The following KDM2A variants were observed in gnomAD, a reference collection of about 807,000 sequenced individuals.
The protein encoded by KDM2A is lysine demethylase 2A.
KDM2A carries 3 observed loss-of-function variants against 137.3 expected under a neutral mutation model. The observed-to-expected ratio is 0.02, with a 90% CI of 0.01 to 0.06. KDM2A has a LOEUF of 0.06. Ranked by LOEUF, KDM2A falls within the 10% of genes least tolerant of loss-of-function variation. The pLI, the probability that KDM2A is intolerant of heterozygous loss-of-function variation, is 1.00. For synonymous variants in KDM2A, 512 were observed against 541.5 expected, an observed-to-expected ratio of 0.95 and a Z score of 0.76; for missense variants, 738 against 1,510.6, an observed-to-expected ratio of 0.49 and a Z score of 8.48.
chr11:67,209,432 TTTA>T (rs371101361), intron 6 of KDM2A, among the ~76,000 whole-genome samples: 6 of 150,008 alleles, frequency 4.0e-5, no homozygotes, highest in Admixed American at 1.3e-4. Context: ...AGAATTTTAT[TTTA>T]TTATTATTAT....
At position 67,130,269 on chromosome 11, in the gene KDM2A, T is replaced by C. The variant is rs190627546; in HGVS notation, c.42+8911T>C. 5.3e-5 allele frequency among the ~76,000 whole-genome samples: 8 copies of C among 152,214 alleles called. No homozygotes were observed. In the East Asian group the frequency reaches 1.4e-3, roughly 26 times the overall value. ...CGAGTCTGAGTCACGGCACCTGACT[T>C]CCTCACAGGTGCACCTGACTGCTCT... is the stretch of plus-strand genomic sequence containing the variant. On this transcript the variant is annotated intron_variant, in intron 2 of 20. Coordinates refer to ENST00000529006, the MANE Select transcript of KDM2A (RefSeq NM_012308.3).
At chr11:67,218,025 A>AT (rs1858224099) in intron 9 of KDM2A, 141 bp downstream of exon 9, 2 of 774,504 alleles carry the variant, frequency 2.6e-6, no homozygotes, top group East Asian at 5.5e-5. Flanking sequence ...TATGGAATAG[A>AT]TGCTGAGGTT....
intron 2 of KDM2A, among the ~76,000 whole-genome samples, chr11:67,159,674 CAG>C (rs1856593105): frequency 6.6e-6 from 1 of 152,116 alleles, no homozygotes; most frequent in African/African-American, 2.4e-5. Context: ...GCCATGAACA[CAG>C]AAATATTTGA....
intron 2 of KDM2A, 113 bp downstream of exon 2, chr11:67,121,471 C>T: frequency 2.0e-6 from 2 of 997,044 alleles, no homozygotes. Flanking sequence ...GGTGACTTTT[C>T]TGTGCACCAG....
At chr11:67,127,201 G>A (rs1339274567) in intron 2 of KDM2A, among the ~76,000 whole-genome samples, 1 of 152,124 alleles carries the variant, frequency 6.6e-6, no homozygotes, top group East Asian at 1.9e-4. Context: ...GGCTCAAGTG[G>A]TCCTCCCATC....
rs538248481 is a variant in KDM2A, at chr11:67,255,284, G to A, written c.*229G>A. ...AAAAGGGAGTAGCAGATTGATCTGA[G>A]GGGAAAGCACAGGCTGTGCTGTCGA... On this transcript the variant is annotated 3_prime_UTR_variant, in exon 21 of 21. Transcript: ENST00000529006. 81 of 563,578 alleles carry A rather than the reference G, an allele frequency of 1.4e-4. 3 individuals are homozygous for A. The South Asian group carries it at 1.6e-3, about 11-fold the overall frequency. The allele number at this position is 563,578 out of a possible 1,614,324, so 34.9% of individuals were successfully genotyped here.
At chr11:67,226,328 C>G (rs1858542884) in intron 10 of KDM2A, among the ~76,000 whole-genome samples, 1 of 152,058 alleles carries the variant, frequency 6.6e-6, no homozygotes, top group Non-Finnish European at 1.5e-5. Flanking sequence ...TCTGATTTTT[C>G]TGAAATAGAC....
intron 2 of KDM2A, among the ~76,000 whole-genome samples, chr11:67,173,541 G>A (rs1372387188): frequency 1.3e-5 from 2 of 151,940 alleles, no homozygotes; most frequent in African/African-American, 2.4e-5. Flanking sequence ...ACAGGTGTGA[G>A]CCACCATGCC....
intron 5 of KDM2A, among the ~76,000 whole-genome samples, chr11:67,190,290 A>T (rs1184427339): frequency 6.6e-6 from 1 of 151,690 alleles, no homozygotes; most frequent in Admixed American, 6.6e-5. Context: ...CATGCCTGTA[A>T]TCCCAGCTAC....
intron 2 of KDM2A, among the ~76,000 whole-genome samples, chr11:67,128,103 A>G (rs750487972): frequency 6.7e-6 from 1 of 149,626 alleles, no homozygotes; most frequent in South Asian, 2.1e-4. Context: ...AGCCTCCCCA[A>G]GTGATCCTCT....
intron 2 of KDM2A, among the ~76,000 whole-genome samples, chr11:67,155,574 G>A (rs1315741955): frequency 6.6e-6 from 1 of 151,870 alleles, no homozygotes; most frequent in Non-Finnish European, 1.5e-5. Context: ...AGGTTGCTGG[G>A]ATTACAGGAG....
At position 67,181,367 on chromosome 11, in the gene KDM2A, A is replaced by G. The variant is rs1857088060; in HGVS notation, c.229A>G (p.Ile77Val). ...IQRGGLRDPL[I>V]FKNSDGLGIK... ...GCGGGGTGGCTTGAGAGATCCTCTG[A>G]TTTTCAAGAATTCTGATGGACTCGG... The change falls in exon 4 of 21, where the codon ATT (isoleucine) becomes GTT (valine). Residue 77 changes from isoleucine (I) to valine (V), a missense_variant. Ile to Val is a conservative substitution (Grantham distance 29). Coordinates refer to ENST00000529006, the MANE Select transcript of KDM2A (RefSeq NM_012308.3). 1.9e-6 allele frequency: 3 copies of G among 1,612,230 alleles called. No homozygotes were observed. Among genetic ancestry groups the G allele is most frequent in the Non-Finnish European group, 2.5e-6 (3 of 1,178,974 alleles).
At chr11:67,187,426 G>A (rs1042658861) in intron 5 of KDM2A, among the ~76,000 whole-genome samples, 1 of 151,962 alleles carries the variant, frequency 6.6e-6, no homozygotes, top group African/African-American at 2.4e-5. Context: ...AGATCCAAAA[G>A]ACAGAAATAG....
chr11:67,254,342 T>C lies in KDM2A; in HGVS notation c.3231T>C (p.Leu1077=), dbSNP rs1189134754. The C allele has an allele frequency of 1.2e-6, 2 of 1,614,026 alleles. No individual in the cohort carries two copies. The highest frequency in any genetic ancestry group is 2.2e-5 in the South Asian group (2 of 91,082). Residue 1077 remains leucine (L), a synonymous_variant, in exon 20 of 21, where the codon CTT becomes CTC. Coordinates refer to ENST00000529006, the MANE Select transcript of KDM2A (RefSeq NM_012308.3). The surrounding 1 kb of genome is among the most constrained non-coding windows in gnomAD (Gnocchi z 4.7). The part of the protein sequence containing the change: ...SRLDLSHCSH[L]TDQSSNLLTA... ...TCGACCTCAGTCACTGCAGCCACCT[T>C]ACAGATCAGTCCTCCAATCTACTCA... is the stretch of plus-strand genomic sequence containing the variant.
intron 2 of KDM2A, among the ~76,000 whole-genome samples, chr11:67,157,333 A>C (rs922911200): frequency 1.2e-4 from 17 of 145,572 alleles, no homozygotes; most frequent in South Asian, 2.2e-4. Context: ...AAAAAAAAAC[A>C]AAAAACACCA....
At chr11:67,136,894 G>A (rs1855980370) in intron 2 of KDM2A, among the ~76,000 whole-genome samples, 1 of 152,160 alleles carries the variant, frequency 6.6e-6, no homozygotes, top group Non-Finnish European at 1.5e-5. Context: ...ACAAATACTA[G>A]TAATGTTAAT....
chr11:67,183,979 T>G (rs992984264), intron 5 of KDM2A, among the ~76,000 whole-genome samples: 2 of 150,956 alleles, frequency 1.3e-5, no homozygotes, highest in African/African-American at 4.9e-5. Flanking sequence ...TGTGGTGGCA[T>G]GCACCAATAG....
In KDM2A at chr11:67,119,334, C is replaced by A. The variant is rs1184256510; in HGVS notation, c.-799C>A. The A allele has an allele frequency of 1.2e-5, 2 of 166,648 alleles. No individual in the cohort carries two copies. Among genetic ancestry groups the A allele is most frequent in the Non-Finnish European group, 1.3e-5 (1 of 79,894 alleles). The allele number at this position is 166,648 out of a possible 1,614,324, so 10.3% of individuals were successfully genotyped here. Reference sequence around the variant, plus strand: ...CTCCTCCTGTGTGAGGGAAACAACACCCCTCCCCGGCAGCGGCGGCGGCGG... The same window carrying A: ...CTCCTCCTGTGTGAGGGAAACAACAACCCTCCCCGGCAGCGGCGGCGGCGG... On this transcript the variant is annotated 5_prime_UTR_variant, in exon 1 of 21. Coordinates refer to ENST00000529006, the MANE Select transcript of KDM2A (RefSeq NM_012308.3).
At chr11:67,246,223 C>T in intron 15 of KDM2A, 107 bp downstream of exon 15, 1 of 1,232,030 alleles carries the variant, frequency 8.1e-7, no homozygotes, top group Non-Finnish European at 1.2e-6. Flanking sequence ...TGTAGGCCAT[C>T]AGCTCTGTGG....
Sources: gnomAD v4.1 joint callset for allele counts (sites outside exome capture counted in the v4.1 genomes callset) on GRCh38, gnomAD v4.1.1 for gene constraint, Gnocchi (gnomAD v3.1) non-coding constraint, MANE v1.5 for transcripts, NCBI Gene and HGNC (gene_info 2026-07-23, HGNC 2026-07-21) for gene names.